Variants in KCNC2 observed in about 807,000 individuals in gnomAD.
The protein encoded by KCNC2 is potassium voltage-gated channel subfamily C member 2.
Under a neutral mutation model 44.5 loss-of-function variants are expected in KCNC2, and 21 were observed. The ratio of observed to expected loss-of-function variants is 0.47; its 90% CI spans 0.33 to 0.68. The LOEUF (loss-of-function observed/expected upper bound fraction) is 0.68. KCNC2 is among the 30% of genes least tolerant of loss of function. The pLI, the probability that KCNC2 is intolerant of heterozygous loss-of-function variation, is 0.01. For synonymous variants in KCNC2, 391 were observed against 339.1 expected, an observed-to-expected ratio of 1.15 and a Z score of -1.68; for missense variants, 589 against 826.2, an observed-to-expected ratio of 0.71 and a Z score of 3.52.
intron 2 of KCNC2, among the ~76,000 whole-genome samples, chr12:75,202,452 A>C (rs1402445656): frequency 6.6e-6 from 1 of 151,828 alleles, no homozygotes; most frequent in Non-Finnish European, 1.5e-5. Flanking sequence ...AAGACACTTC[A>C]ATGCTTAGGT....
At chr12:75,172,121 T>C (rs1450438697) in intron 2 of KCNC2, among the ~76,000 whole-genome samples, 2 of 151,842 alleles carry the variant, frequency 1.3e-5, no homozygotes, top group Admixed American at 6.6e-5. Context: ...CAGGCTTCCA[T>C]CTACATAGCT....
At chr12:75,181,529 G>T (rs1283112107) in intron 2 of KCNC2, among the ~76,000 whole-genome samples, 2 of 152,070 alleles carry the variant, frequency 1.3e-5, no homozygotes, top group Non-Finnish European at 1.5e-5. Context: ...TTCCCTAATG[G>T]ACAGTGTCTA....
chr12:75,205,424 A>T (rs1027462362), intron 2 of KCNC2, among the ~76,000 whole-genome samples: 3 of 152,162 alleles, frequency 2.0e-5, no homozygotes, highest in Non-Finnish European at 2.9e-5. Flanking sequence ...TGCAGATCAA[A>T]GTCTCAAGAG....
chr12:75,170,608 T>C (rs998945046), intron 2 of KCNC2, among the ~76,000 whole-genome samples: 1 of 151,820 alleles, frequency 6.6e-6, no homozygotes, highest in Non-Finnish European at 1.5e-5. Context: ...TCTTCTCCAA[T>C]GTTGTCATTA....
chr12:75,126,757 A>G (rs996133987), intron 2 of KCNC2, among the ~76,000 whole-genome samples: 2 of 152,138 alleles, frequency 1.3e-5, no homozygotes, highest in Non-Finnish European at 2.9e-5. Context: ...AAAGTTATAA[A>G]CAAGAACATT....
intron 2 of KCNC2, among the ~76,000 whole-genome samples, chr12:75,179,957 A>T (rs962214999): frequency 5.1e-4 from 78 of 151,798 alleles, no homozygotes; most frequent in African/African-American, 1.8e-3. Flanking sequence ...TTTACTGAAT[A>T]TCATCTATTT....
At chr12:75,167,784 T>C (rs1198791263) in intron 2 of KCNC2, among the ~76,000 whole-genome samples, 1 of 151,284 alleles carries the variant, frequency 6.6e-6, no homozygotes, top group East Asian at 1.9e-4. Flanking sequence ...TTATTTGCAT[T>C]TTTTTTCTTT....
chr12:75,203,925 T>C (rs866100922), intron 2 of KCNC2, among the ~76,000 whole-genome samples: 1 of 151,980 alleles, frequency 6.6e-6, no homozygotes, highest in African/African-American at 2.4e-5. Context: ...TCCTCTTATA[T>C]ATGATACATT....
At chr12:75,046,457 A>T (rs906505233) in intron 4 of KCNC2, among the ~76,000 whole-genome samples, 1 of 151,792 alleles carries the variant, frequency 6.6e-6, no homozygotes, top group African/African-American at 2.4e-5. Context: ...CTTTAAACAC[A>T]TAATCTTAGT....
At chr12:75,166,293 G>A (rs1423685419) in intron 2 of KCNC2, among the ~76,000 whole-genome samples, 1 of 150,898 alleles carries the variant, frequency 6.6e-6, no homozygotes, top group Non-Finnish European at 1.5e-5. Context: ...ATCTGAACCT[G>A]AACCCCAGAA....
At chr12:75,161,168 G>A (rs1458668009) in intron 2 of KCNC2, among the ~76,000 whole-genome samples, 1 of 151,546 alleles carries the variant, frequency 6.6e-6, no homozygotes, top group Non-Finnish European at 1.5e-5. Flanking sequence ...AAACTCAGGA[G>A]TGTTTTTTCT....
chr12:75,144,269 G>T (rs575405873), intron 2 of KCNC2, among the ~76,000 whole-genome samples: 4 of 152,312 alleles, frequency 2.6e-5, no homozygotes, highest in South Asian at 4.1e-4. Flanking sequence ...GAAGACATGG[G>T]TATATTCCTT....
chr12:75,189,878 A>AC (rs908851034), intron 2 of KCNC2, among the ~76,000 whole-genome samples: 1 of 152,158 alleles, frequency 6.6e-6, no homozygotes, highest in Non-Finnish European at 1.5e-5. Flanking sequence ...GTCTTCTGTA[A>AC]CCTCGTGGAT....
At chr12:75,136,622 A>G (rs1458498106) in intron 2 of KCNC2, among the ~76,000 whole-genome samples, 1 of 152,168 alleles carries the variant, frequency 6.6e-6, no homozygotes, top group Non-Finnish European at 1.5e-5. Context: ...TGAACCAGGA[A>G]GAACTATAAA....
chr12:75,042,913 C>G lies in KCNC2; in HGVS notation c.*192G>C. 2 of 1,391,714 alleles carry G rather than the reference C, an allele frequency of 1.4e-6. No individual in the cohort carries two copies. The highest frequency in any genetic ancestry group is 1.9e-6 in the Non-Finnish European group (2 of 1,075,704). The allele number at this position is 1,391,714 out of a possible 1,614,324, so 86.2% of individuals were successfully genotyped here. On this transcript the variant is annotated 3_prime_UTR_variant, in exon 5 of 5. Coordinates refer to ENST00000549446, the MANE Select transcript of KCNC2 (RefSeq NM_139137.4). ...GGAGGGATCTTAGCACTACTTTAGA[C>G]AATCTTTAAAGCCTGGGTAAGATTC... is the stretch of plus-strand genomic sequence containing the variant.
rs988790004 is a variant in KCNC2, at chr12:75,041,400, T to A, written c.*1705A>T. 8.3e-5 allele frequency: 115 copies of A among 1,386,272 alleles called. No homozygotes were observed. Among genetic ancestry groups the A allele is most frequent in the Non-Finnish European group, 9.8e-5 (105 of 1,068,440 alleles). The allele number at this position is 1,386,272 out of a possible 1,614,324, so 85.9% of individuals were successfully genotyped here. On this transcript the variant is annotated 3_prime_UTR_variant, in exon 5 of 5. Transcript: ENST00000549446. ...GGTCATGCTCTAGGACTTGGGGATA[T>A]AGAGTAATACATGTTTCGTGGCCAA...
chr12:75,178,094 A>G (rs1892318187), intron 2 of KCNC2, among the ~76,000 whole-genome samples: 1 of 152,034 alleles, frequency 6.6e-6, no homozygotes. Context: ...CAACTTGCAC[A>G]TTATAATTTA....
intron 2 of KCNC2, among the ~76,000 whole-genome samples, chr12:75,179,514 G>A (rs181327372): frequency 9.1e-4 from 137 of 151,196 alleles, no homozygotes; most frequent in African/African-American, 2.7e-3. Context: ...TTTTATTTCC[G>A]AAACCTACTG....
intron 2 of KCNC2, among the ~76,000 whole-genome samples, chr12:75,151,817 C>T (rs1890414409): frequency 6.7e-6 from 1 of 149,600 alleles, no homozygotes; most frequent in African/African-American, 2.4e-5. Flanking sequence ...TAAAGGGCAA[C>T]TAAAAACATC....
Sources: gnomAD v4.1 joint callset for allele counts (sites outside exome capture counted in the v4.1 genomes callset) on GRCh38, gnomAD v4.1.1 for gene constraint, MANE v1.5 for transcripts, NCBI Gene and HGNC (gene_info 2026-07-23, HGNC 2026-07-21) for gene names.